Variants in BCL2L11 observed in about 807,000 individuals in gnomAD.
BCL2L11 encodes bcl-2-like protein 11.
BCL2L11 carries 15 observed loss-of-function variants against 20.6 expected under a neutral mutation model. That is an observed-to-expected ratio of 0.73 (90% CI 0.49 to 1.12). The LOEUF (loss-of-function observed/expected upper bound fraction) is 1.12, where lower values mean the gene tolerates loss of function less well. BCL2L11 is among the 50% of genes most tolerant of loss of function. BCL2L11 has a pLI of 0.00. For missense variants in BCL2L11, 292 were observed against 260.9 expected (o/e 1.12, Z -0.82); for synonymous variants, 108 against 92.8 (o/e 1.16, Z -0.94).
At chr2:111,147,346 T>TCTCTCTCTCTCTCTCTCTCACA (rs760779894) in intron 2 of BCL2L11, among the ~76,000 whole-genome samples, 24 of 137,404 alleles carry the variant, frequency 1.7e-4, no homozygotes, top group African/African-American at 6.6e-4. Flanking sequence ...TCTCTCTCTC[T>TCTCTCTCTCTCTCTCTCTCACA]CACACACACA....
intron 2 of BCL2L11, among the ~76,000 whole-genome samples, chr2:111,134,794 C>T (rs1054922875): frequency 8.5e-5 from 13 of 152,230 alleles, no homozygotes. Context: ...ATAGAATTCG[C>T]AGTTGATGTA....
intron 2 of BCL2L11, among the ~76,000 whole-genome samples, chr2:111,126,051 A>G (rs893896115): frequency 3.3e-5 from 5 of 152,178 alleles, no homozygotes; most frequent in Admixed American, 3.3e-4. Flanking sequence ...CAAAAGCTTC[A>G]CACTTGTGGT....
chr2:111,161,496 G>A (rs1472057893), intron 3 of BCL2L11: 1 of 1,550,172 alleles, frequency 6.5e-7, no homozygotes, highest in African/African-American at 1.4e-5. Flanking sequence ...CAGCTCTGCA[G>A]ACAGCAGGTC....
At chr2:111,128,794 G>A in intron 2 of BCL2L11, 1 of 1,520,300 alleles carries the variant, frequency 6.6e-7, no homozygotes, top group Non-Finnish European at 8.8e-7. Flanking sequence ...TCTTCCTTGA[G>A]CATTTTGTCA....
intron 2 of BCL2L11, among the ~76,000 whole-genome samples, chr2:111,135,880 T>C (rs1444403172): frequency 6.6e-6 from 1 of 152,160 alleles, no homozygotes; most frequent in Non-Finnish European, 1.5e-5. Context: ...GGAGGGGATG[T>C]TAGATAACTG....
chr2:111,157,928 C>T (rs559307716), intron 3 of BCL2L11, among the ~76,000 whole-genome samples: 1 of 152,292 alleles, frequency 6.6e-6, no homozygotes, highest in African/African-American at 2.4e-5. Flanking sequence ...AGGGAACTTC[C>T]TAGTGCCCTT....
intron 2 of BCL2L11, among the ~76,000 whole-genome samples, chr2:111,128,147 A>G (rs1308905841): frequency 6.6e-6 from 1 of 151,868 alleles, no homozygotes; most frequent in Non-Finnish European, 1.5e-5. Context: ...TTTTCTGTCT[A>G]TTAATTTGAC....
intron 2 of BCL2L11, chr2:111,128,897 A>G (rs2073275040): frequency 3.8e-6 from 5 of 1,303,214 alleles, no homozygotes; most frequent in African/African-American, 3.0e-5. Flanking sequence ...AAAAATGCAC[A>G]ATTAGATTTG....
At position 111,120,985 on chromosome 2, in the gene BCL2L11, C is replaced by CCGCCGCCGCCGCCGCCGCT. The variant is rs1558996512; in HGVS notation, c.-217_-216insCGCCGCCGCCGCCGCCGCT. ...CGTCCAGCGCCGCTGCCGCTGCCGC[C>CCGCCGCCGCCGCCGCCGCT]GCCGCCGCCGCCGCCGCCGCCGCCG... On this transcript the variant is annotated 5_prime_UTR_variant, in exon 1 of 4. Coordinates refer to ENST00000393256, the MANE Select transcript of BCL2L11 (RefSeq NM_138621.5). 1.9e-5 allele frequency: 1 copy of CCGCCGCCGCCGCCGCCGCT among 52,448 alleles called. No homozygotes were observed. The highest frequency in any genetic ancestry group is 1.9e-4 in the African/African-American group (1 of 5,328). 3.2% of individuals were successfully genotyped at this position (52,448 alleles called of 1,614,324 possible). A position where few individuals can be genotyped will look rare whatever the true frequency, so the allele number is the denominator to read the frequency against.
At chr2:111,124,701 G>A (rs2072130274) in intron 2 of BCL2L11, among the ~76,000 whole-genome samples, 1 of 152,164 alleles carries the variant, frequency 6.6e-6, no homozygotes, top group Non-Finnish European at 1.5e-5. Flanking sequence ...TAACCACCAG[G>A]CTTTACATAG....
rs773778760 is a variant in BCL2L11 at position 111,167,395 on chromosome 2, CTGTT to C, written c.*3169_*3172del. 2.0e-5 allele frequency: 3 copies of C among 152,286 alleles called. No individual in the cohort carries two copies. The highest frequency in any genetic ancestry group is 4.4e-5 in the Non-Finnish European group (3 of 68,048). 9.4% of individuals were successfully genotyped at this position (152,286 alleles called of 1,614,324 possible). On this transcript the variant is annotated 3_prime_UTR_variant, in exon 4 of 4. Coordinates refer to ENST00000393256, the MANE Select transcript of BCL2L11 (RefSeq NM_138621.5). ...ACTCCAAGAAATACCCAGCAACCTT[CTGTT>C]TGTTCCAAAGCAACTAGCTTATCAT... is the stretch of plus-strand genomic sequence containing the variant.
At chr2:111,155,661 A>G (rs1028236141) in intron 3 of BCL2L11, among the ~76,000 whole-genome samples, 2 of 152,100 alleles carry the variant, frequency 1.3e-5, no homozygotes, top group Admixed American at 1.3e-4. Context: ...AAGTCACTCC[A>G]TGTGCAGGAA....
chr2:111,140,238 A>G (rs1171598986), intron 2 of BCL2L11, among the ~76,000 whole-genome samples: 1 of 152,102 alleles, frequency 6.6e-6, no homozygotes, highest in Non-Finnish European at 1.5e-5. Context: ...CTTAGGAGTG[A>G]GATGGTTTTG....
chr2:111,122,775 G>A (rs1009969333), intron 1 of BCL2L11: 161 of 985,224 alleles, frequency 1.6e-4, no homozygotes, highest in Non-Finnish European at 1.9e-4. Context: ...CGCTGCGCCG[G>A]GGACTCTGAA....
chr2:111,136,596 G>T (rs922456285), intron 2 of BCL2L11, among the ~76,000 whole-genome samples: 4 of 152,196 alleles, frequency 2.6e-5, no homozygotes, highest in Non-Finnish European at 5.9e-5. Flanking sequence ...CAATTCTGGA[G>T]GGTGATAAGT....
rs149840577 is a variant in BCL2L11 at position 111,165,939 on chromosome 2, T to C, written c.*1708T>C. ...ATATATGTATATATTGCATATTCAC[T>C]TTTTCCTTTAGGTAGAGATGATTTC... On this transcript the variant is annotated 3_prime_UTR_variant, in exon 4 of 4. Coordinates refer to ENST00000393256, the MANE Select transcript of BCL2L11 (RefSeq NM_138621.5). 135 of 152,348 alleles carry C rather than the reference T, an allele frequency of 8.9e-4. No homozygotes were observed. The highest frequency in any genetic ancestry group is 3.1e-3 in the African/African-American group (129 of 41,582). 9.4% of individuals were successfully genotyped at this position (152,348 alleles called of 1,614,324 possible).
intron 2 of BCL2L11, among the ~76,000 whole-genome samples, chr2:111,139,305 T>C (rs1227828813): frequency 6.6e-6 from 1 of 152,094 alleles, no homozygotes; most frequent in Non-Finnish European, 1.5e-5. Flanking sequence ...TGGGGGTGAG[T>C]TGGGGACACC....
intron 2 of BCL2L11, among the ~76,000 whole-genome samples, chr2:111,134,658 T>G (rs904661982): frequency 6.6e-6 from 1 of 152,216 alleles, no homozygotes; most frequent in Non-Finnish European, 1.5e-5. Flanking sequence ...CTTTTGTCAT[T>G]TCCTTTCTGT....
intron 1 of BCL2L11, among the ~76,000 whole-genome samples, chr2:111,122,468 G>T (rs911899753): frequency 6.6e-6 from 1 of 152,172 alleles, no homozygotes; most frequent in East Asian, 1.9e-4. Flanking sequence ...GTCAACAATC[G>T]CCTCGCCTTT....
Sources: gnomAD v4.1 joint callset for allele counts (sites outside exome capture counted in the v4.1 genomes callset) on GRCh38, gnomAD v4.1.1 for gene constraint, MANE v1.5 for transcripts, NCBI Gene and HGNC (gene_info 2026-07-23, HGNC 2026-07-21) for gene names.